Variants in MMUT observed in about 807,000 individuals in gnomAD.
The protein encoded by MMUT is methylmalonyl-CoA mutase.
Under a neutral mutation model 79.9 loss-of-function variants are expected in MMUT, and 79 were observed. That is an observed-to-expected ratio of 0.99 (90% CI 0.82 to 1.19). The LOEUF is 1.19. Ranked by LOEUF, MMUT falls within the 50% of genes most tolerant of loss-of-function variation. The pLI, the probability that MMUT is intolerant of heterozygous loss-of-function variation, is 0.00. For missense variants in MMUT, 860 were observed against 917.2 expected, an observed-to-expected ratio of 0.94 and a Z score of 0.81; for synonymous variants, 273 against 295.7, an observed-to-expected ratio of 0.92 and a Z score of 0.79.
At chr6:49,434,460 C>T (rs1041869000) in intron 12 of MMUT, among the ~76,000 whole-genome samples, 2 of 152,054 alleles carry the variant, frequency 1.3e-5, no homozygotes, top group Admixed American at 6.6e-5. Flanking sequence ...AACTGTAGAG[C>T]TGGAAACAAG....
intron 9 of MMUT, 67 bp downstream of exon 9, chr6:49,444,572 T>G: frequency 7.9e-7 from 1 of 1,272,496 alleles, no homozygotes; most frequent in Non-Finnish European, 1.1e-6. Context: ...TTTATTTAAG[T>G]ATACTCTGAA....
In MMUT at chr6:49,448,839, C is replaced by T. The variant is rs368746965; in HGVS notation, c.1421G>A (p.Arg474Gln). The T allele has an allele frequency of 3.0e-5, 49 of 1,613,140 alleles. No individual in the cohort carries two copies. Among genetic ancestry groups the T allele is most frequent in the African/African-American group, 2.0e-4 (15 of 74,968 alleles). The change falls in exon 7 of 13, where the codon CGA becomes CAA. Residue 474 changes from arginine (R) to glutamine (Q), a missense_variant. Transcript: ENST00000274813. ...PKLRIEECAA[R>Q]RQARIDSGSE... ...ACCAGAATCTATTCTAGCTTGTCTT[C>T]GGGCAGCACATTCTTCAATTCGAAG...
chr6:49,433,272 T>C (rs1230678184), intron 12 of MMUT, among the ~76,000 whole-genome samples: 1 of 152,206 alleles, frequency 6.6e-6, no homozygotes, highest in Non-Finnish European at 1.5e-5. Flanking sequence ...AAAAATCCCA[T>C]GTACCATTTG....
At chr6:49,446,850 A>G (rs1015179967) in intron 8 of MMUT, among the ~76,000 whole-genome samples, 2 of 151,828 alleles carry the variant, frequency 1.3e-5, no homozygotes, top group Non-Finnish European at 1.5e-5. Flanking sequence ...AATAAATACT[A>G]TTAGATTTTT....
chr6:49,440,362 C>T lies in MMUT; in HGVS notation c.1809-9G>A, dbSNP rs973689274. On this transcript the variant is annotated splice_polypyrimidine_tract_variant and intron_variant, in intron 10 of 12. Transcript: ENST00000274813. ...CCATGAATTTATGAACCCTGAAAAA[C>T]ATTTAAAAATATATCAGTAGTTAGA... The T allele has an allele frequency of 6.2e-7, 1 of 1,613,324 alleles. No individual in the cohort carries two copies.
At chr6:49,445,270 A>G (rs972563125) in intron 8 of MMUT, among the ~76,000 whole-genome samples, 4 of 152,178 alleles carry the variant, frequency 2.6e-5, no homozygotes, top group African/African-American at 9.6e-5. Context: ...GGGACTAAGA[A>G]AAAGATATAC....
In MMUT at chr6:49,431,415, G is replaced by T. The variant is rs1168705801; in HGVS notation, c.*313C>A. The T allele has an allele frequency of 5.4e-6, 1 of 186,884 alleles. No individual in the cohort carries two copies. The highest frequency in any genetic ancestry group is 1.1e-5 in the Non-Finnish European group (1 of 89,670). The allele number at this position is 186,884 out of a possible 1,614,324, so 11.6% of individuals were successfully genotyped here. A position where few individuals can be genotyped will look rare whatever the true frequency, so the allele number is the denominator to read the frequency against. On this transcript the variant is annotated 3_prime_UTR_variant, in exon 13 of 13. Coordinates refer to ENST00000274813, the MANE Select transcript of MMUT (RefSeq NM_000255.4). Reference sequence around the variant, plus strand: ...TAATTCTTAATATAAAAAGTAAACAGATTTATAAGAAACATTCTAATAAAT... The same window carrying T: ...TAATTCTTAATATAAAAAGTAAACATATTTATAAGAAACATTCTAATAAAT...
intron 9 of MMUT, 116 bp downstream of exon 9, chr6:49,444,523 T>A: frequency 1.2e-6 from 1 of 801,536 alleles, no homozygotes; most frequent in Non-Finnish European, 2.1e-6. Flanking sequence ...TGGATGCCAT[T>A]ATTTTCTTTT....
intron 12 of MMUT, among the ~76,000 whole-genome samples, chr6:49,432,528 C>T (rs557940295): frequency 2.6e-5 from 4 of 152,222 alleles, no homozygotes; most frequent in African/African-American, 9.6e-5. Flanking sequence ...GCTGTGGCTA[C>T]AGGCGCCCGC....
chr6:49,444,600 T>G, intron 9 of MMUT, 39 bp downstream of exon 9: 4 of 1,557,290 alleles, frequency 2.6e-6, no homozygotes, highest in Non-Finnish European at 3.5e-6. Flanking sequence ...ACTGGTCAAC[T>G]TTTAGTCTTT....
At chr6:49,437,272 T>C (rs1767155776) in intron 11 of MMUT, among the ~76,000 whole-genome samples, 1 of 152,120 alleles carries the variant, frequency 6.6e-6, no homozygotes, top group Non-Finnish European at 1.5e-5. Context: ...CCCTAATTTT[T>C]AGTGTTTGCT....
At chr6:49,446,466 C>G (rs1433938854) in intron 8 of MMUT, among the ~76,000 whole-genome samples, 1 of 151,878 alleles carries the variant, frequency 6.6e-6, no homozygotes, top group Non-Finnish European at 1.5e-5. Flanking sequence ...ATATCCATTT[C>G]TCCTAAACTG....
At chr6:49,439,339 G>C (rs1444901555) in intron 11 of MMUT, among the ~76,000 whole-genome samples, 2 of 152,080 alleles carry the variant, frequency 1.3e-5, no homozygotes, top group Non-Finnish European at 2.9e-5. Context: ...AAGATGGCAG[G>C]CCCTTCCTCC....
rs569194795 is a variant in MMUT at position 49,451,356 on chromosome 6, T to A, written c.1332+110A>T. On this transcript the variant is annotated intron_variant, in intron 6 of 12. Coordinates refer to ENST00000274813, the MANE Select transcript of MMUT (RefSeq NM_000255.4). ...ATTATTATATAAATCTGTAAGTGAT[T>A]TGATTTATAAATTTAAAATCTATAA... 4.0e-5 allele frequency: 50 copies of A among 1,253,562 alleles called. No individual in the cohort carries two copies. The East Asian group carries it at 1.1e-3, about 27-fold the overall frequency. 77.7% of individuals were successfully genotyped at this position (1,253,562 alleles called of 1,614,324 possible).
Position 49,449,909 on chromosome 6 carries a change from A to G in MMUT, c.1333-982T>C, listed in dbSNP as rs1767506197. Among the ~76,000 whole-genome samples, 4 of 151,914 alleles carry G rather than the reference A, an allele frequency of 2.6e-5. No individual in the cohort carries two copies. In the South Asian group the frequency reaches 8.3e-4, roughly 32 times the overall value. ...AGTTGACAAATCTTTAAGAACACAG[A>G]AAAAAAAGGCAAACAGATATACTAT... On this transcript the variant is annotated intron_variant, in intron 6 of 12. Coordinates refer to ENST00000274813, the MANE Select transcript of MMUT (RefSeq NM_000255.4).
chr6:49,451,196 C>A (rs1476380686), intron 6 of MMUT, among the ~76,000 whole-genome samples: 3 of 152,038 alleles, frequency 2.0e-5, no homozygotes, highest in South Asian at 2.1e-4. Context: ...AACTGCTGTT[C>A]TTTGTATGAG....
intron 1 of MMUT, among the ~76,000 whole-genome samples, chr6:49,461,423 T>C (rs1334565704): frequency 1.3e-5 from 2 of 152,108 alleles, no homozygotes; most frequent in Non-Finnish European, 2.9e-5. Context: ...TAATTGTAAG[T>C]GCAACAGGTT....
In MMUT at chr6:49,451,446, T is replaced by C. The variant is rs1434180204; in HGVS notation, c.1332+20A>G. On this transcript the variant is annotated intron_variant, in intron 6 of 12. Coordinates refer to ENST00000274813, the MANE Select transcript of MMUT (RefSeq NM_000255.4). ...AATCTGTAAATTCTGAAAACAAAGT[T>C]GCAAAGTGGAAAAACTTACCTTTAA... is the stretch of plus-strand genomic sequence containing the variant. The C allele has an allele frequency of 6.2e-7, 1 of 1,613,038 alleles. No individual in the cohort carries two copies. Among genetic ancestry groups the C allele is most frequent in the Non-Finnish European group, 8.5e-7 (1 of 1,179,358 alleles).
intron 11 of MMUT, among the ~76,000 whole-genome samples, chr6:49,437,268 T>G (rs1354010279): frequency 6.6e-6 from 1 of 152,120 alleles, no homozygotes; most frequent in Non-Finnish European, 1.5e-5. Flanking sequence ...CAATCCCTAA[T>G]TTTTAGTGTT....
Sources: allele counts gnomAD v4.1 joint callset (sites outside exome capture counted in the v4.1 genomes callset), GRCh38; gene constraint gnomAD v4.1.1; transcripts MANE v1.5; gene names NCBI Gene and HGNC (gene_info 2026-07-23, HGNC 2026-07-21).